EYA4: variants seen among roughly 807,000 people sequenced by gnomAD.
EYA4 encodes the protein EYA transcriptional coactivator and phosphatase 4.
Under a neutral mutation model 87.9 loss-of-function variants are expected in EYA4, and 31 were observed. That is an observed-to-expected ratio of 0.35 (90% confidence interval 0.27 to 0.48). The LOEUF is 0.48. EYA4 is among the 20% of genes least tolerant of loss of function. The pLI, the probability that EYA4 is intolerant of heterozygous loss-of-function variation, is 0.99. For synonymous variants in EYA4, 263 were observed against 270.6 expected, an observed-to-expected ratio of 0.97 and a Z score of 0.28; for missense variants, 678 against 761.4, an observed-to-expected ratio of 0.89 and a Z score of 1.29.
chr6:133,409,955 C>T lies in EYA4; in HGVS notation c.83+27514C>T, dbSNP rs568561743. ...GTACACCTTAAATATATGTCCTCCC[C>T]CCATATAAAATTTCTGTTCCCTTCT... is the stretch of plus-strand genomic sequence containing the variant. On this transcript the variant is annotated intron_variant, in intron 3 of 19. Coordinates refer to ENST00000355286, the MANE Select transcript of EYA4 (RefSeq NM_004100.5). 2.0e-4 allele frequency among the ~76,000 whole-genome samples: 30 copies of T among 151,960 alleles called. No homozygotes were observed. The South Asian group carries it at 2.9e-3, about 15-fold the overall frequency.
In EYA4 at chr6:133,421,876, A is replaced by T. The variant is rs936890766; in HGVS notation, c.84-24754A>T. On this transcript the variant is annotated intron_variant, in intron 3 of 19. Coordinates refer to ENST00000355286, the MANE Select transcript of EYA4 (RefSeq NM_004100.5). ...AAGGGAAACCCAGTCAGCCTAAATT[A>T]CTTGTGTTATAACTGGAGAGTTCAC... Among the ~76,000 whole-genome samples the T allele has an allele frequency of 7.9e-5, 12 of 152,330 alleles. No homozygotes were observed. The East Asian group carries it at 2.3e-3, about 29-fold the overall frequency.
intron 3 of EYA4, among the ~76,000 whole-genome samples, chr6:133,394,282 GTGTTTTTTTTTTT>G (rs1307349899): frequency 0.034 from 3,626 of 107,782 alleles, 231 homozygotes; most frequent in East Asian, 0.15. Flanking sequence ...ATATAAGCTT[GTGTTTTTTTTTTT>G]TTTTTTTTTT....
At chr6:133,328,566 A>G (rs993018949) in intron 2 of EYA4, among the ~76,000 whole-genome samples, 5 of 152,174 alleles carry the variant, frequency 3.3e-5, no homozygotes, top group African/African-American at 1.2e-4. Context: ...AATAAAATAT[A>G]TGTAGAAGTG....
chr6:133,352,847 C>A (rs556024950), intron 2 of EYA4, among the ~76,000 whole-genome samples: 1 of 152,080 alleles, frequency 6.6e-6, no homozygotes, highest in Admixed American at 6.6e-5. Flanking sequence ...GAAAATCAGT[C>A]GCCTGTAGCA....
intron 2 of EYA4, among the ~76,000 whole-genome samples, chr6:133,290,086 G>A (rs557949953): frequency 6.6e-6 from 1 of 151,730 alleles, no homozygotes; most frequent in South Asian, 2.1e-4. Flanking sequence ...CTCATTGTGT[G>A]CCATGGGCTA....
Position 133,462,747 on chromosome 6 carries a change from A to G in EYA4, c.707A>G (p.Tyr236Cys), listed in dbSNP as rs1060502993. 6.2e-7 allele frequency: 1 copy of G among 1,613,758 alleles called. No individual in the cohort carries two copies. The highest frequency in any genetic ancestry group is 8.5e-7 in the Non-Finnish European group (1 of 1,179,864). ...FSTPQPGQTP[Y>C]SYQMPGSSFA... ...ACCCCACAGCCAGGCCAGACACCTT[A>G]TTCTTACCAAATGCCAGGTAAGTAG... Residue 236 changes from tyrosine (Y) to cysteine (C), a missense_variant, in exon 9 of 20, where the codon TAT becomes TGT. Physicochemically the swap from Tyr to Cys is radical, Grantham distance 194. Coordinates refer to ENST00000355286, the MANE Select transcript of EYA4 (RefSeq NM_004100.5).
chr6:133,351,299 T>C (rs1783621463), intron 2 of EYA4, among the ~76,000 whole-genome samples: 1 of 152,240 alleles, frequency 6.6e-6, no homozygotes, highest in Admixed American at 6.5e-5. Flanking sequence ...AAATGTCTTC[T>C]AGCTCCCTGT....
chr6:133,404,110 G>A (rs527666026), intron 3 of EYA4, among the ~76,000 whole-genome samples: 7 of 152,050 alleles, frequency 4.6e-5, no homozygotes, highest in African/African-American at 7.2e-5. Context: ...CACTGTGCCC[G>A]GCCTCCTGTC....
At chr6:133,270,449 A>G (rs959004625) in intron 1 of EYA4, among the ~76,000 whole-genome samples, 1 of 152,230 alleles carries the variant, frequency 6.6e-6, no homozygotes, top group Non-Finnish European at 1.5e-5. Context: ...AAATAAAGGT[A>G]TTTTCTTAGT....
intron 2 of EYA4, among the ~76,000 whole-genome samples, chr6:133,297,693 C>T (rs1250176683): frequency 2.0e-5 from 3 of 152,210 alleles, no homozygotes; most frequent in African/African-American, 4.8e-5. Flanking sequence ...TTCCTGCCAT[C>T]CCCACCAGGC....
At chr6:133,458,773 T>C (rs1251822252) in intron 6 of EYA4, among the ~76,000 whole-genome samples, 1 of 152,080 alleles carries the variant, frequency 6.6e-6, no homozygotes, top group East Asian at 1.9e-4. Context: ...CAATCTAAGA[T>C]GGCACGATAA....
In EYA4 at chr6:133,526,822, C is replaced by T. The variant is rs180827316; in HGVS notation, c.1839+1568C>T. On this transcript the variant is annotated intron_variant, in intron 19 of 19. Coordinates refer to ENST00000355286, the MANE Select transcript of EYA4 (RefSeq NM_004100.5). ...TTATTGGCACCATAGTTATACACAA[C>T]AAAGAGCAGCCAATGATTAGTAATA... Among the ~76,000 whole-genome samples the T allele has an allele frequency of 2.0e-5, 3 of 152,288 alleles. No homozygotes were observed. The East Asian group carries it at 5.8e-4, about 29-fold the overall frequency.
intron 2 of EYA4, among the ~76,000 whole-genome samples, chr6:133,288,730 G>A (rs116066396): frequency 6.6e-6 from 1 of 152,122 alleles, no homozygotes; most frequent in Non-Finnish European, 1.5e-5. Flanking sequence ...TTTATGAAGT[G>A]CAAGGAGGAA....
intron 2 of EYA4, among the ~76,000 whole-genome samples, chr6:133,277,086 T>C (rs1777240159): frequency 1.3e-5 from 2 of 152,180 alleles, no homozygotes; most frequent in East Asian, 3.8e-4. Context: ...ATAAAGTTCA[T>C]AGTTAGATGA....
intron 3 of EYA4, among the ~76,000 whole-genome samples, chr6:133,385,285 CAAG>C (rs1354094658): frequency 8.7e-6 from 1 of 114,768 alleles, no homozygotes; most frequent in Non-Finnish European, 1.7e-5. Context: ...GGTGACAAAG[CAAG>C]ACTCTGTCTC....
chr6:133,355,116 G>C (rs554065073), intron 2 of EYA4, among the ~76,000 whole-genome samples: 24 of 152,108 alleles, frequency 1.6e-4, no homozygotes, highest in African/African-American at 5.8e-4. Flanking sequence ...AAGTTCAGGG[G>C]TACAAGTGCA....
chr6:133,474,191 A>ACTACCTTGCTAG (rs1795521670), intron 11 of EYA4, among the ~76,000 whole-genome samples: 2 of 152,018 alleles, frequency 1.3e-5, no homozygotes, highest in South Asian at 4.1e-4. Flanking sequence ...AATTTGCTAG[A>ACTACCTTGCTAG]CTACAGCTAC....
chr6:133,251,072 C>G (rs1370419201), intron 1 of EYA4, among the ~76,000 whole-genome samples: 1 of 152,182 alleles, frequency 6.6e-6, no homozygotes, highest in Non-Finnish European at 1.5e-5. Context: ...TATAGGTGCT[C>G]AACAGTTGGC....
intron 4 of EYA4, 107 bp downstream of exon 4, chr6:133,446,861 A>C: frequency 9.3e-7 from 1 of 1,073,454 alleles, no homozygotes; most frequent in Non-Finnish European, 1.4e-6. Context: ...CAATAACACA[A>C]ATCAGCATTA....
Sources: gnomAD v4.1 joint callset for allele counts (sites outside exome capture counted in the v4.1 genomes callset) on GRCh38, gnomAD v4.1.1 for gene constraint, MANE v1.5 for transcripts, NCBI Gene and HGNC (gene_info 2026-07-23, HGNC 2026-07-21) for gene names.